Variants in DCC observed in about 807,000 individuals in gnomAD.
DCC encodes the protein DCC netrin 1 receptor.
A neutral mutation model predicts 172.5 loss-of-function variants in DCC; 58 were observed. The ratio of observed to expected loss-of-function variants is 0.34; its 90% CI spans 0.27 to 0.42. The LOEUF is 0.42. Ranked by LOEUF, DCC falls within the 10% of genes least tolerant of loss-of-function variation. The pLI, the probability that DCC is intolerant of heterozygous loss-of-function variation, is 1.00. For missense variants in DCC, 1,740 were observed against 1,791.0 expected, an observed-to-expected ratio of 0.97 and a Z score of 0.51; for synonymous variants, 709 against 644.5, an observed-to-expected ratio of 1.10 and a Z score of -1.52.
At chr18:53,350,463 A>G (rs1258988137) in intron 15 of DCC, among the ~76,000 whole-genome samples, 2 of 152,312 alleles carry the variant, frequency 1.3e-5, no homozygotes, top group East Asian at 1.9e-4. Flanking sequence ...ACTAGAAGAC[A>G]TTGTCTTAGT....
intron 14 of DCC, among the ~76,000 whole-genome samples, chr18:53,327,308 A>T (rs868236557): frequency 5.1e-4 from 76 of 148,608 alleles, no homozygotes; most frequent in African/African-American, 1.8e-3. Context: ...ATTTCAGCTT[A>T]AAAAAAAAAG....
At chr18:52,759,888 A>C in intron 2 of DCC, among the ~76,000 whole-genome samples, 1 of 152,340 alleles carries the variant, frequency 6.6e-6, no homozygotes, top group African/African-American at 2.4e-5. Flanking sequence ...CCCTAGGGAA[A>C]GCTTTATATT....
intron 14 of DCC, among the ~76,000 whole-genome samples, chr18:53,323,004 G>T (rs572323928): frequency 2.6e-5 from 4 of 151,980 alleles, no homozygotes; most frequent in African/African-American, 9.7e-5. Context: ...AGATAAACTC[G>T]TATGTATTGA....
At chr18:53,487,463 T>C (rs548799566) in intron 26 of DCC, among the ~76,000 whole-genome samples, 1 of 151,348 alleles carries the variant, frequency 6.6e-6, no homozygotes, top group East Asian at 1.9e-4. Context: ...TGAAGGAAGG[T>C]AGGAATGAAA....
chr18:53,535,662 G>T lies in DCC; in HGVS notation c.*5009G>T, dbSNP rs1357733949. Reference sequence around the variant, plus strand: ...AGTTTCTTTAAACTGTCAGATTCTAGCATTGTTAACCAAATTAGACTAGTG... The same window carrying T: ...AGTTTCTTTAAACTGTCAGATTCTATCATTGTTAACCAAATTAGACTAGTG... On this transcript the variant is annotated 3_prime_UTR_variant, in exon 29 of 29. Coordinates refer to ENST00000442544, the MANE Select transcript of DCC (RefSeq NM_005215.4). 6.6e-6 allele frequency: 1 copy of T among 152,152 alleles called. No individual in the cohort carries two copies. Among genetic ancestry groups the T allele is most frequent in the Non-Finnish European group, 1.5e-5 (1 of 68,022 alleles). The allele number at this position is 152,152 out of a possible 1,614,324, so 9.4% of individuals were successfully genotyped here. A position where few individuals can be genotyped will look rare whatever the true frequency, so the allele number is the denominator to read the frequency against.
chr18:53,281,510 T>C (rs1321441176), intron 12 of DCC, among the ~76,000 whole-genome samples: 7 of 152,184 alleles, frequency 4.6e-5, no homozygotes. Flanking sequence ...CCAAGGACCT[T>C]GCAGTCAATT....
intron 25 of DCC, among the ~76,000 whole-genome samples, chr18:53,479,601 A>G (rs899192002): frequency 1.3e-5 from 2 of 152,176 alleles, no homozygotes; most frequent in Admixed American, 6.6e-5. Flanking sequence ...ACAGAATTGT[A>G]TCTTTTGGGA....
chr18:52,725,855 G>A (rs2036544058), intron 1 of DCC, among the ~76,000 whole-genome samples: 1 of 152,154 alleles, frequency 6.6e-6, no homozygotes, highest in African/African-American at 2.4e-5. Flanking sequence ...AAATGTTCAT[G>A]GTTTAGCCTG....
At chr18:52,637,454 A>G (rs1757134647) in intron 1 of DCC, among the ~76,000 whole-genome samples, 1 of 152,160 alleles carries the variant, frequency 6.6e-6, no homozygotes, top group South Asian at 2.1e-4. Flanking sequence ...AAGGAAATAG[A>G]TAGCCTAAAG....
At chr18:53,392,587 T>C (rs1200785272) in intron 17 of DCC, among the ~76,000 whole-genome samples, 1 of 152,110 alleles carries the variant, frequency 6.6e-6, no homozygotes. Flanking sequence ...TAACAACAAG[T>C]TATATACTAA....
chr18:53,007,344 A>T (rs1012002555), intron 5 of DCC, among the ~76,000 whole-genome samples: 1 of 152,182 alleles, frequency 6.6e-6, no homozygotes, highest in African/African-American at 2.4e-5. Flanking sequence ...TGAGCAATCA[A>T]ACCACAAATA....
intron 25 of DCC, among the ~76,000 whole-genome samples, chr18:53,472,478 C>G (rs1446525361): frequency 1.3e-5 from 2 of 152,188 alleles, no homozygotes; most frequent in Non-Finnish European, 2.9e-5. Context: ...GTATTAATAA[C>G]TAAGTTCTAT....
chr18:52,825,444 A>C (rs1054886914), intron 2 of DCC, among the ~76,000 whole-genome samples: 1 of 152,160 alleles, frequency 6.6e-6, no homozygotes, highest in Non-Finnish European at 1.5e-5. Context: ...TGCACCTAAC[A>C]TGTGGAAATT....
intron 1 of DCC, among the ~76,000 whole-genome samples, chr18:52,524,328 A>G (rs1016865741): frequency 1.3e-5 from 2 of 152,238 alleles, no homozygotes; most frequent in Admixed American, 6.5e-5. Context: ...GCCCTGGTAT[A>G]CAAAAAATAT....
At chr18:53,195,679 TTC>T (rs1314301008) in intron 9 of DCC, among the ~76,000 whole-genome samples, 1 of 145,882 alleles carries the variant, frequency 6.9e-6, no homozygotes, top group Non-Finnish European at 1.5e-5. Flanking sequence ...ATTCAACCCA[TTC>T]CTCCTGATGT....
At chr18:52,994,552 C>A (rs1197396030) in intron 5 of DCC, among the ~76,000 whole-genome samples, 1 of 152,020 alleles carries the variant, frequency 6.6e-6, no homozygotes, top group Non-Finnish European at 1.5e-5. Flanking sequence ...GTAAACATGG[C>A]CTTAGTGGCA....
chr18:53,321,902 G>A (rs2057415493), intron 13 of DCC, 145 bp from the exon 14 acceptor site: 1 of 686,528 alleles, frequency 1.5e-6, no homozygotes, highest in East Asian at 2.6e-5. Context: ...TACCCTTTTA[G>A]TCAAAATAAT....
chr18:53,454,084 A>T (rs1321911727), intron 23 of DCC, among the ~76,000 whole-genome samples: 1 of 152,228 alleles, frequency 6.6e-6, no homozygotes, highest in African/African-American at 2.4e-5. Context: ...AAGGCTGGAC[A>T]CACCTGTAAC....
At chr18:53,347,877 T>C (rs1339987229) in intron 15 of DCC, among the ~76,000 whole-genome samples, 1 of 152,114 alleles carries the variant, frequency 6.6e-6, no homozygotes, top group African/African-American at 2.4e-5. Context: ...ATAAGAACAG[T>C]GCAGGAAAGA....
Sources: allele counts gnomAD v4.1 joint callset (sites outside exome capture counted in the v4.1 genomes callset), GRCh38; gene constraint gnomAD v4.1.1; transcripts MANE v1.5; gene names NCBI Gene and HGNC (gene_info 2026-07-23, HGNC 2026-07-21).